The following TOX variants were observed in gnomAD, a reference collection of about 807,000 sequenced individuals.
The protein encoded by TOX is thymocyte selection-associated high mobility group box protein TOX.
TOX carries 11 observed loss-of-function variants against 53.7 expected under a neutral mutation model. That is an observed-to-expected ratio of 0.20 (90% CI 0.13 to 0.34). The LOEUF is 0.34. TOX is among the 10% of genes least tolerant of loss of function. The pLI is 1.00. For synonymous variants in TOX, 225 were observed against 245.3 expected, an observed-to-expected ratio of 0.92 and a Z score of 0.77; for missense variants, 570 against 664.6, an observed-to-expected ratio of 0.86 and a Z score of 1.56.
At chr8:58,837,645 A>G (rs1326742563) in intron 5 of TOX, among the ~76,000 whole-genome samples, 1 of 152,224 alleles carries the variant, frequency 6.6e-6, no homozygotes, top group Non-Finnish European at 1.5e-5. Flanking sequence ...AGGAATGGCT[A>G]GGGGCGGAAA....
At chr8:58,868,241 G>A (rs1811135843) in intron 3 of TOX, among the ~76,000 whole-genome samples, 1 of 152,136 alleles carries the variant, frequency 6.6e-6, no homozygotes, top group Non-Finnish European at 1.5e-5. Flanking sequence ...ATGTGGAACT[G>A]TGAGTTCATT....
At chr8:59,002,867 T>C (rs1447831005) in intron 1 of TOX, among the ~76,000 whole-genome samples, 1 of 152,180 alleles carries the variant, frequency 6.6e-6, no homozygotes, top group Non-Finnish European at 1.5e-5. Flanking sequence ...ACTAGAGCCA[T>C]TTCTTGATGT....
chr8:58,936,057 T>C (rs1201845862), intron 3 of TOX, among the ~76,000 whole-genome samples: 1 of 152,196 alleles, frequency 6.6e-6, no homozygotes, highest in African/African-American at 2.4e-5. Flanking sequence ...CAGGGTCCTA[T>C]TGCCAGAAGG....
At chr8:59,070,365 C>T (rs1804173419) in intron 1 of TOX, among the ~76,000 whole-genome samples, 1 of 152,016 alleles carries the variant, frequency 6.6e-6, no homozygotes. Context: ...ATAACTGATA[C>T]CTGGGAACAT....
Position 58,851,228 on chromosome 8 carries a change from C to A in TOX, c.693+296G>T, listed in dbSNP as rs572628961. ...ACACACACACGACCTTCATTGTACC[C>A]CAGTATACTGCCTTCTTAAAATGGT... On this transcript the variant is annotated intron_variant, in intron 4 of 8. Coordinates refer to ENST00000361421, the MANE Select transcript of TOX (RefSeq NM_014729.3). This position sits in a 1 kb window ranked among gnomAD's most constrained non-coding sequence, Gnocchi z 4.4. Among the ~76,000 whole-genome samples, 3 of 150,052 alleles carry A rather than the reference C, an allele frequency of 2.0e-5. No homozygotes were observed. Among genetic ancestry groups the A allele is most frequent in the Non-Finnish European group, 4.4e-5 (3 of 67,552 alleles).
At chr8:59,035,358 C>T (rs1482361688) in intron 1 of TOX, among the ~76,000 whole-genome samples, 1 of 152,108 alleles carries the variant, frequency 6.6e-6, no homozygotes, top group African/African-American at 2.4e-5. Context: ...CAAATTATGT[C>T]TACCTTCCAT....
At position 58,873,303 on chromosome 8, in the gene TOX, T is replaced by C. The variant is rs1157684710; in HGVS notation, c.412-21498A>G. 2.0e-5 allele frequency among the ~76,000 whole-genome samples: 3 copies of C among 152,268 alleles called. No homozygotes were observed. The East Asian group carries it at 5.8e-4, about 29-fold the overall frequency. ...TACAACATGATGATACTTTAAAAGA[T>C]TATGAAAAATATTCTAAAAATCCAT... On this transcript the variant is annotated intron_variant, in intron 3 of 8. Coordinates refer to ENST00000361421, the MANE Select transcript of TOX (RefSeq NM_014729.3).
intron 1 of TOX, among the ~76,000 whole-genome samples, chr8:59,088,628 T>C (rs1221777609): frequency 2.6e-5 from 4 of 152,198 alleles, no homozygotes; most frequent in Non-Finnish European, 4.4e-5. Context: ...CCGTTCCCCT[T>C]AGTTGGATAG....
intron 4 of TOX, among the ~76,000 whole-genome samples, chr8:58,844,204 T>G (rs1008564241): frequency 6.6e-6 from 1 of 152,182 alleles, no homozygotes; most frequent in African/African-American, 2.4e-5. Context: ...CTCTCTGCCG[T>G]GTCTAAAAGG....
In TOX at chr8:58,996,383, C is replaced by G. The variant is rs542815402; in HGVS notation, c.103-36375G>C. Among the ~76,000 whole-genome samples the G allele has an allele frequency of 2.0e-5, 3 of 152,276 alleles. No individual in the cohort carries two copies. The East Asian group carries it at 5.8e-4, about 29-fold the overall frequency. On this transcript the variant is annotated intron_variant, in intron 1 of 8. Transcript: ENST00000361421. ...CTCATTTCAGAGAAGCATCAAACCCCTATCTCAGAATCATCAAGGTTCCAA... is the reference window on the plus strand; with the variant it reads ...CTCATTTCAGAGAAGCATCAAACCCGTATCTCAGAATCATCAAGGTTCCAA...
At chr8:58,993,540 T>G (rs891620667) in intron 1 of TOX, among the ~76,000 whole-genome samples, 5 of 152,128 alleles carry the variant, frequency 3.3e-5, no homozygotes, top group African/African-American at 1.2e-4. Flanking sequence ...TATGGAAAAA[T>G]AATGAACACA....
chr8:58,964,754 T>C (rs755409770), intron 1 of TOX, among the ~76,000 whole-genome samples: 1 of 152,174 alleles, frequency 6.6e-6, no homozygotes. Context: ...CACTATGACA[T>C]ACTGCTTTTT....
chr8:59,041,945 G>A (rs1803594936), intron 1 of TOX, among the ~76,000 whole-genome samples: 1 of 152,148 alleles, frequency 6.6e-6, no homozygotes, highest in African/African-American at 2.4e-5. Context: ...CGTTATGTAA[G>A]TTTTCCTTGC....
chr8:59,031,464 T>C (rs141691108), intron 1 of TOX, among the ~76,000 whole-genome samples: 62 of 152,316 alleles, frequency 4.1e-4, no homozygotes, highest in Non-Finnish European at 7.9e-4. Context: ...CAGGCGCTGT[T>C]CTAATCATTG....
At chr8:58,907,737 A>G (rs569515010) in intron 3 of TOX, among the ~76,000 whole-genome samples, 1 of 152,332 alleles carries the variant, frequency 6.6e-6, no homozygotes, top group Non-Finnish European at 1.5e-5. Flanking sequence ...GCTGTCTCAT[A>G]GACCATTAGA....
chr8:58,807,716 T>C lies in TOX; in HGVS notation c.*31A>G. 1 of 1,612,998 alleles carries C rather than the reference T, an allele frequency of 6.2e-7. No individual in the cohort carries two copies. Reference sequence around the variant, plus strand: ...CCATGGTGAAAACACTTCCCTGAATTCCTCAGTGGAAAGAAGAGGTGTTCA... The same window carrying C: ...CCATGGTGAAAACACTTCCCTGAATCCCTCAGTGGAAAGAAGAGGTGTTCA... On this transcript the variant is annotated 3_prime_UTR_variant, in exon 9 of 9. Transcript: ENST00000361421.
intron 4 of TOX, among the ~76,000 whole-genome samples, chr8:58,845,833 A>T (rs1047843503): frequency 1.3e-5 from 2 of 152,064 alleles, no homozygotes; most frequent in Non-Finnish European, 2.9e-5. Context: ...AAGAGAAAAA[A>T]GGTTGGTTGT....
intron 2 of TOX, among the ~76,000 whole-genome samples, chr8:58,946,357 T>C (rs6983967): frequency 0.34 from 51,317 of 151,990 alleles, 8,816 homozygotes; most frequent in East Asian, 0.4. Context: ...GTTTAAATTG[T>C]GTCAATATAA....
At chr8:59,109,093 C>A (rs1241182569) in intron 1 of TOX, among the ~76,000 whole-genome samples, 1 of 152,134 alleles carries the variant, frequency 6.6e-6, no homozygotes, top group Non-Finnish European at 1.5e-5. Context: ...TTTTAAATAT[C>A]CCTTCCCATT....
Sources: gnomAD v4.1 joint callset for allele counts (sites outside exome capture counted in the v4.1 genomes callset) on GRCh38, gnomAD v4.1.1 for gene constraint, Gnocchi (gnomAD v3.1) non-coding constraint, MANE v1.5 for transcripts, NCBI Gene and HGNC (gene_info 2026-07-23, HGNC 2026-07-21) for gene names.